PABPC4L: variants seen among roughly 807,000 people sequenced by gnomAD.
The protein encoded by PABPC4L is poly(A) binding protein cytoplasmic 4 like, also known as polyadenylate-binding protein 4-like.
For synonymous variants in PABPC4L, 169 were observed against 164.1 expected, an observed-to-expected ratio of 1.03 and a Z score of -0.23; for missense variants, 452 against 451.4, an observed-to-expected ratio of 1.00 and a Z score of -0.01.
the PABPC4L span, among the ~76,000 whole-genome samples, chr4:134,144,758 A>G: frequency 1.3e-5 from 2 of 151,736 alleles, no homozygotes; most frequent in African/African-American, 4.8e-5. Context: ...CAGTTTTCAA[A>G]GTATATTTGC....
chr4:134,053,449 A>G, the PABPC4L span, among the ~76,000 whole-genome samples: 1 of 152,126 alleles, frequency 6.6e-6, no homozygotes, highest in Non-Finnish European at 1.5e-5. Context: ...AAGGCAGGTA[A>G]AATCAACAAA....
chr4:134,158,821 T>TG, the PABPC4L span, among the ~76,000 whole-genome samples: 1 of 152,122 alleles, frequency 6.6e-6, no homozygotes, highest in East Asian at 1.9e-4. Flanking sequence ...TTTGTCATCC[T>TG]GGGGATATTA....
the PABPC4L span, among the ~76,000 whole-genome samples, chr4:134,002,134 G>A: frequency 6.6e-6 from 1 of 151,860 alleles, no homozygotes; most frequent in Admixed American, 6.6e-5. Context: ...AATTTTTAAA[G>A]TAAGATATAT....
chr4:134,190,682 C>T, the PABPC4L span, among the ~76,000 whole-genome samples: 2 of 152,026 alleles, frequency 1.3e-5, no homozygotes, highest in African/African-American at 2.4e-5. Context: ...GACAGAGTCT[C>T]GCTCTGTCAC....
the PABPC4L span, among the ~76,000 whole-genome samples, chr4:134,000,206 C>T: frequency 9.2e-5 from 14 of 152,240 alleles, no homozygotes; most frequent in East Asian, 2.7e-3. Flanking sequence ...GCATATACAA[C>T]TTACTCTGAC....
At chr4:134,147,130 T>G in the PABPC4L span, among the ~76,000 whole-genome samples, 1 of 152,176 alleles carries the variant, frequency 6.6e-6, no homozygotes, top group Non-Finnish European at 1.5e-5. Flanking sequence ...CTCAGATAAC[T>G]GATTTGGGCT....
chr4:134,065,885 A>C, the PABPC4L span, among the ~76,000 whole-genome samples: 389 of 151,530 alleles, frequency 2.6e-3, 2 homozygotes, highest in Middle Eastern at 6.8e-3. Flanking sequence ...GTCCTTTTCA[A>C]TGTTTTTGTC....
the PABPC4L span, among the ~76,000 whole-genome samples, chr4:134,136,686 T>C: frequency 6.6e-6 from 1 of 152,218 alleles, no homozygotes; most frequent in East Asian, 1.9e-4. Flanking sequence ...TATTCCTTTA[T>C]TTGTTTAAAT....
chr4:133,971,518 T>A, the PABPC4L span, among the ~76,000 whole-genome samples: 1 of 152,188 alleles, frequency 6.6e-6, no homozygotes, highest in Non-Finnish European at 1.5e-5. Context: ...GTCTAGCATC[T>A]TCTACTCTGT....
the PABPC4L span, among the ~76,000 whole-genome samples, chr4:134,011,405 A>G: frequency 6.6e-6 from 1 of 152,152 alleles, no homozygotes; most frequent in African/African-American, 2.4e-5. Flanking sequence ...AATTCCAGGA[A>G]TATATTCTTG....
chr4:134,072,475 T>A, the PABPC4L span, among the ~76,000 whole-genome samples: 1 of 152,188 alleles, frequency 6.6e-6, no homozygotes, highest in African/African-American at 2.4e-5. Flanking sequence ...TTTAATTTTG[T>A]TTTACTTCTT....
chr4:134,184,368 G>C, the PABPC4L span, among the ~76,000 whole-genome samples: 792 of 152,018 alleles, frequency 5.2e-3, 1 homozygote, highest in South Asian at 0.012. Flanking sequence ...TGTAAAATAT[G>C]ATTTTAGAGA....
chr4:134,015,254 C>A, the PABPC4L span, among the ~76,000 whole-genome samples: 1 of 152,092 alleles, frequency 6.6e-6, no homozygotes, highest in East Asian at 1.9e-4. Context: ...TTACAATTCC[C>A]CCGTTTTACC....
At chr4:133,959,274 A>G in the PABPC4L span, among the ~76,000 whole-genome samples, 8 of 152,216 alleles carry the variant, frequency 5.3e-5, no homozygotes, top group Middle Eastern at 3.2e-3. Context: ...GAAAAAATAC[A>G]TCATTAGAAA....
At chr4:134,101,637 G>C in the PABPC4L span, among the ~76,000 whole-genome samples, 1 of 151,226 alleles carries the variant, frequency 6.6e-6, no homozygotes. Flanking sequence ...TTTTTATACA[G>C]CTGTGGGAAT....
At chr4:133,985,799 C>CAT in the PABPC4L span, among the ~76,000 whole-genome samples, 2 of 151,908 alleles carry the variant, frequency 1.3e-5, no homozygotes, top group Non-Finnish European at 2.9e-5. Context: ...GTATAATATT[C>CAT]ATATTTCAAC....
In PABPC4L at chr4:134,201,050, C is replaced by A; in HGVS notation, c.-31G>T. On this transcript the variant is annotated 5_prime_UTR_variant, in exon 2 of 2. Coordinates refer to ENST00000421491, the MANE Select transcript of PABPC4L (RefSeq NM_001114734.2). The stretch of plus-strand genomic sequence containing the variant: ...TGTCCTTGCCACTGTGAGTTTGTCC[C>A]CTGGAGTTCTTTGAGCAATCCCTGT... 6.4e-7 allele frequency: 1 copy of A among 1,551,620 alleles called. No individual in the cohort carries two copies. The highest frequency in any genetic ancestry group is 1.2e-5 in the South Asian group (1 of 84,026).
At chr4:134,064,733 C>A in the PABPC4L span, among the ~76,000 whole-genome samples, 1 of 151,984 alleles carries the variant, frequency 6.6e-6, no homozygotes, top group Non-Finnish European at 1.5e-5. Flanking sequence ...GGTAGCTTTT[C>A]ATTTCTCACA....
the PABPC4L span, among the ~76,000 whole-genome samples, chr4:134,110,914 T>C: frequency 6.6e-6 from 1 of 152,028 alleles, no homozygotes; most frequent in African/African-American, 2.4e-5. Context: ...AACTCAAGGC[T>C]ATATATGTAT....
Sources: allele counts gnomAD v4.1 joint callset (sites outside exome capture counted in the v4.1 genomes callset), GRCh38; gene constraint gnomAD v4.1.1; transcripts MANE v1.5; gene names NCBI Gene and HGNC (gene_info 2026-07-23, HGNC 2026-07-21).